The following OVCH1 variants were observed in gnomAD, a reference collection of about 807,000 sequenced individuals.
OVCH1 encodes the protein ovochymase 1, also known as ovochymase-1.
In OVCH1, 139 loss-of-function variants were observed where a neutral mutation model predicts 138.4. The observed-to-expected ratio is 1.00, with a 90% CI of 0.87 to 1.16. The LOEUF is 1.16. OVCH1 is among the 50% of genes most tolerant of loss of function. The pLI, the probability that OVCH1 is intolerant of heterozygous loss-of-function variation, is 0.00. For synonymous variants in OVCH1, 453 were observed against 467.8 expected, an observed-to-expected ratio of 0.97 and a Z score of 0.41; for missense variants, 1,367 against 1,357.9, an observed-to-expected ratio of 1.01 and a Z score of -0.11.
chr12:29,402,977 T>G, the OVCH1 span, among the ~76,000 whole-genome samples: 1 of 152,186 alleles, frequency 6.6e-6, no homozygotes, highest in African/African-American at 2.4e-5. Context: ...AGACAAAGAT[T>G]ATTAACCAGT....
chr12:29,461,971 C>A lies in OVCH1; in HGVS notation c.2163G>T (p.Val721=), dbSNP rs757253156. Residue 721 remains valine (V), a synonymous_variant, in exon 19 of 28, where the codon GTG becomes GTT. Transcript: ENST00000318184. ...CACAGACCTCTCTTTCTAACACATG[C>A]ACTTGAATCTGCTGTAGGCGACTTG... 1.9e-6 allele frequency: 3 copies of A among 1,613,774 alleles called. No individual in the cohort carries two copies. In the Admixed American group the frequency reaches 5.0e-5, roughly 27 times the overall value.
chr12:29,420,438 C>T (rs1941086692), intron 3 of OVCH1, among the ~76,000 whole-genome samples: 2 of 147,276 alleles, frequency 1.4e-5, no homozygotes, highest in South Asian at 2.2e-4. Flanking sequence ...GAGAGGGCAG[C>T]ATTGTTAGTC....
At chr12:29,404,150 T>C in the OVCH1 span, among the ~76,000 whole-genome samples, 6 of 152,238 alleles carry the variant, frequency 3.9e-5, no homozygotes, top group Non-Finnish European at 8.8e-5. Flanking sequence ...TAATCACAGT[T>C]GTACCACACT....
chr12:29,485,219 T>G (rs775548922), intron 8 of OVCH1, among the ~76,000 whole-genome samples: 20 of 147,436 alleles, frequency 1.4e-4, no homozygotes, highest in Non-Finnish European at 2.7e-4. Flanking sequence ...ATGCCTGTAG[T>G]CCTACTCAGG....
exon 11 of OVCH1, chr12:29,477,361 G>A (rs1186937716): frequency 2.5e-6 from 4 of 1,613,966 alleles, no homozygotes; most frequent in Non-Finnish European, 3.4e-6. Context: ...CTTCTGTACA[G>A]CAGTAACGGT....
chr12:29,466,862 T>C (rs769729248), intron 16 of OVCH1, among the ~76,000 whole-genome samples: 1 of 152,014 alleles, frequency 6.6e-6, no homozygotes, highest in Admixed American at 6.6e-5. Context: ...AATTCTTCCA[T>C]TTAATTCTTC....
rs534226058 is a variant in OVCH1, at chr12:29,448,140, G to A, written c.2756-2737C>T. On this transcript the variant is annotated intron_variant, in intron 22 of 27. Coordinates refer to ENST00000318184, the Ensembl canonical transcript of OVCH1. ...TTCCATCTCAGATCATCAGGCACTA[G>A]ATTATCATAAGGAGCAGGCATCCTA... Among the ~76,000 whole-genome samples the A allele has an allele frequency of 4.1e-5, 6 of 147,604 alleles. No homozygotes were observed. In the South Asian group the frequency reaches 1.1e-3, roughly 28 times the overall value.
Position 29,477,245 on chromosome 12 carries a change from T to TG in OVCH1, c.1247-14dup. On this transcript the variant is annotated splice_polypyrimidine_tract_variant and intron_variant, in intron 11 of 27. Transcript: ENST00000318184. ...CCACAACCTGACCCTGTGGAAGCAT[T>TG]GGGGAAATTCAAAGTGAATGGCCAA... 6.2e-7 allele frequency: 1 copy of TG among 1,613,398 alleles called. No individual in the cohort carries two copies. Among genetic ancestry groups the TG allele is most frequent in the African/African-American group, 1.3e-5 (1 of 75,014 alleles).
At chr12:29,489,254 G>A (rs991223580) in intron 6 of OVCH1, among the ~76,000 whole-genome samples, 2 of 152,146 alleles carry the variant, frequency 1.3e-5, no homozygotes, top group East Asian at 1.9e-4. Flanking sequence ...AATATATTCT[G>A]CACCAAAGGA....
the OVCH1 span, among the ~76,000 whole-genome samples, chr12:29,405,694 G>A: frequency 2.0e-5 from 3 of 152,206 alleles, no homozygotes; most frequent in African/African-American, 7.2e-5. Flanking sequence ...GTTCTAGGAT[G>A]AGAGAAAAAT....
intron 27 of OVCH1, among the ~76,000 whole-genome samples, chr12:29,432,828 T>G (rs775342081): frequency 2.0e-5 from 3 of 152,136 alleles, no homozygotes; most frequent in Non-Finnish European, 2.9e-5. Context: ...AGCTCTCCTT[T>G]TTTGGAGACC....
At chr12:29,441,550 C>T (rs1941485072) in intron 25 of OVCH1, among the ~76,000 whole-genome samples, 1 of 152,140 alleles carries the variant, frequency 6.6e-6, no homozygotes, top group African/African-American at 2.4e-5. Flanking sequence ...CCATTCAGGA[C>T]ATAGACATGG....
At chr12:29,413,665 CACAT>C (rs761486990) in intron 3 of OVCH1, among the ~76,000 whole-genome samples, 99 of 144,574 alleles carry the variant, frequency 6.8e-4, no homozygotes, top group African/African-American at 2.4e-3. Flanking sequence ...GTGTATTACA[CACAT>C]ACACACACAC....
intron 26 of OVCH1, among the ~76,000 whole-genome samples, chr12:29,435,804 T>G (rs1031767411): frequency 3.3e-5 from 5 of 152,186 alleles, no homozygotes; most frequent in Admixed American, 1.3e-4. Flanking sequence ...AATACTGTCA[T>G]GAAGCTCCCT....
the OVCH1 span, among the ~76,000 whole-genome samples, chr12:29,406,216 A>G: frequency 6.6e-6 from 1 of 152,190 alleles, no homozygotes; most frequent in Non-Finnish European, 1.5e-5. Flanking sequence ...ATCACTAGAT[A>G]TTCTTCAATA....
In OVCH1 at chr12:29,477,340, C is replaced by G; in HGVS notation, c.1246+1G>C. 6.2e-7 allele frequency: 1 copy of G among 1,613,966 alleles called. No individual in the cohort carries two copies. The highest frequency in any genetic ancestry group is 8.5e-7 in the Non-Finnish European group (1 of 1,179,866). ...AGGAATTAAATACCTGAAACACTCA[C>G]CTGCTTCTGACTTCTGTACAGCAGT... On this transcript the variant is annotated splice_donor_variant, in intron 11 of 27. Coordinates refer to ENST00000318184, the Ensembl canonical transcript of OVCH1. LOFTEE classifies it high-confidence loss of function.
At chr12:29,462,523 A>G (rs140826732) in intron 18 of OVCH1, among the ~76,000 whole-genome samples, 58 of 152,000 alleles carry the variant, frequency 3.8e-4, no homozygotes, top group African/African-American at 1.4e-3. Flanking sequence ...ACACTGAATA[A>G]TTTATTTTCA....
chr12:29,402,691 A>G, the OVCH1 span, among the ~76,000 whole-genome samples: 1 of 151,840 alleles, frequency 6.6e-6, no homozygotes, highest in African/African-American at 2.4e-5. Context: ...AAAAAAAAGT[A>G]GAGGGATTGA....
At chr12:29,453,495 A>C (rs917103810) in intron 21 of OVCH1, among the ~76,000 whole-genome samples, 2 of 152,108 alleles carry the variant, frequency 1.3e-5, no homozygotes, top group Non-Finnish European at 2.9e-5. Flanking sequence ...ACACTTGATC[A>C]GTAGCAATAA....
Sources: gnomAD v4.1 joint callset for allele counts (sites outside exome capture counted in the v4.1 genomes callset) on GRCh38, gnomAD v4.1.1 for gene constraint, MANE v1.5 for transcripts, NCBI Gene and HGNC (gene_info 2026-07-23, HGNC 2026-07-21) for gene names.